Variants in RHEB observed in about 807,000 individuals in gnomAD.
RHEB encodes GTP-binding protein Rheb.
A neutral mutation model predicts 28.8 loss-of-function variants in RHEB; 2 were observed. The ratio of observed to expected loss-of-function variants is 0.07; its 90% CI spans 0.03 to 0.22. The LOEUF (loss-of-function observed/expected upper bound fraction) is 0.22. Among genes scored for constraint, RHEB ranks in the 10% least tolerant of loss-of-function variants. The pLI is 1.00. For synonymous variants in RHEB, 69 were observed against 77.3 expected, an observed-to-expected ratio of 0.89 and a Z score of 0.56; for missense variants, 76 against 219.9, an observed-to-expected ratio of 0.35 and a Z score of 4.14.
chr7:151,502,800 C>T, intron 1 of RHEB: 1 of 1,388,512 alleles, frequency 7.2e-7, no homozygotes, highest in Non-Finnish European at 1.0e-6. Flanking sequence ...TGCTGTGCAG[C>T]TATTTCTGGG....
chr7:151,478,620 C>A (rs1003803239), intron 3 of RHEB, among the ~76,000 whole-genome samples: 8 of 151,950 alleles, frequency 5.3e-5, no homozygotes, highest in African/African-American at 1.9e-4. Context: ...GAGGAAAGAG[C>A]CCCCAGCTGA....
intron 1 of RHEB, 49 bp from the exon 2 acceptor site, chr7:151,491,063 A>C (rs1251514212): frequency 7.2e-7 from 1 of 1,384,196 alleles, no homozygotes; most frequent in South Asian, 1.2e-5. Context: ...TGAAGGTAAA[A>C]ATTTTTAATT....
At position 151,499,622 on chromosome 7, in the gene RHEB, A is replaced by G. The variant is rs571247252; in HGVS notation, c.53-8608T>C. On this transcript the variant is annotated intron_variant, in intron 1 of 7. Coordinates refer to ENST00000262187, the MANE Select transcript of RHEB (RefSeq NM_005614.4). The stretch of plus-strand genomic sequence containing the variant: ...ATTCTGTACCACAATCCCATATTCA[A>G]TCAAGCCTTTCCCAAATTATGATCA... Among the ~76,000 whole-genome samples, 4 of 152,320 alleles carry G rather than the reference A, an allele frequency of 2.6e-5. No homozygotes were observed. In the South Asian group the frequency reaches 8.3e-4, roughly 32 times the overall value.
At chr7:151,499,956 T>C (rs1802743663) in intron 1 of RHEB, among the ~76,000 whole-genome samples, 2 of 152,072 alleles carry the variant, frequency 1.3e-5, no homozygotes, top group African/African-American at 4.8e-5. Flanking sequence ...CTACAGGGTG[T>C]CCCCACCACA....
In RHEB at chr7:151,479,023, T is replaced by A. The variant is rs1018262160; in HGVS notation, c.193-1608A>T. ...ACTGTGCCCGGCCTTTAAAGTCTAC[T>A]TTCTGAGAAAGAATAATAGCAATAT... On this transcript the variant is annotated intron_variant, in intron 3 of 7. Transcript: ENST00000262187. 1.3e-4 allele frequency among the ~76,000 whole-genome samples: 20 copies of A among 152,256 alleles called. 1 individual carries two copies. The South Asian group carries it at 4.1e-3, about 32-fold the overall frequency.
intron 3 of RHEB, among the ~76,000 whole-genome samples, chr7:151,478,140 A>G (rs1252815723): frequency 6.6e-6 from 1 of 152,232 alleles, no homozygotes; most frequent in Non-Finnish European, 1.5e-5. Flanking sequence ...TACGTATTAA[A>G]GCATACAGAA....
At chr7:151,471,269 G>T in intron 6 of RHEB, 125 bp downstream of exon 6, 1 of 673,726 alleles carries the variant, frequency 1.5e-6, no homozygotes. Flanking sequence ...TGCTGCACAC[G>T]ACCATAACAC....
At chr7:151,478,717 C>G (rs985438159) in intron 3 of RHEB, among the ~76,000 whole-genome samples, 2 of 152,076 alleles carry the variant, frequency 1.3e-5, no homozygotes, top group African/African-American at 2.4e-5. Flanking sequence ...CTCACTGCAA[C>G]CTCCACCTCT....
At chr7:151,519,236 G>A in intron 1 of RHEB, 1 of 202,676 alleles carries the variant, frequency 4.9e-6, no homozygotes, top group Non-Finnish European at 9.6e-6. Context: ...CCACCTGCCC[G>A]CCCGGCCCGC....
chr7:151,519,732 C>T lies in RHEB; in HGVS notation c.-221G>A, dbSNP rs1199997055. On this transcript the variant is annotated 5_prime_UTR_variant, in exon 1 of 8. Coordinates refer to ENST00000262187, the MANE Select transcript of RHEB (RefSeq NM_005614.4). ...CCCACAACACGCCCACGTGACCGGC[C>T]GGCGTCAGCACCGCCCCTCTTCGCG... 9 of 349,678 alleles carry T rather than the reference C, an allele frequency of 2.6e-5. No homozygotes were observed. The East Asian group carries it at 3.5e-4, about 13-fold the overall frequency. 21.7% of individuals were successfully genotyped at this position (349,678 alleles called of 1,614,324 possible).
Position 151,501,830 on chromosome 7 carries a change from A to T in RHEB, c.53-10816T>A, listed in dbSNP as rs1802777328. 22 of 470,764 alleles carry T rather than the reference A, an allele frequency of 4.7e-5. 1 individual carries two copies. Among genetic ancestry groups the T allele is most frequent in the South Asian group, 4.4e-4 (22 of 49,894 alleles). 29.2% of individuals were successfully genotyped at this position (470,764 alleles called of 1,614,324 possible). ...GGTCAGAAAGAGCCGGTGTCCTACC[A>T]GCCGCTGCTGCCCAGAACTGGGCCC... On this transcript the variant is annotated intron_variant, in intron 1 of 7. Transcript: ENST00000262187.
intron 1 of RHEB, among the ~76,000 whole-genome samples, chr7:151,496,944 T>A (rs1417613179): frequency 1.4e-5 from 2 of 143,420 alleles, no homozygotes; most frequent in Non-Finnish European, 3.0e-5. Context: ...CACACTCGGC[T>A]ATTTTTTTTT....
intron 1 of RHEB, chr7:151,502,225 T>A: frequency 2.2e-6 from 1 of 446,414 alleles, no homozygotes; most frequent in Non-Finnish European, 3.9e-6. Flanking sequence ...GACAGAGCTG[T>A]CTCAAAAAAA....
Position 151,467,144 on chromosome 7 carries a change from C to T in RHEB, c.530G>A (p.Gly177Asp), listed in dbSNP as rs767187355. The T allele has an allele frequency of 6.2e-7, 1 of 1,613,468 alleles. No individual in the cohort carries two copies. The highest frequency in any genetic ancestry group is 8.5e-7 in the Non-Finnish European group (1 of 1,179,454). ...AEKMDGAASQ[G>D]KSSCSVM The stretch of plus-strand genomic sequence containing the variant: ...TCACATCACCGAGCATGAAGACTTG[C>T]CTTGTGAAGCTGCCCCGTCCATTTT... The change falls in exon 8 of 8, where the codon GGC becomes GAC. Residue 177 changes from glycine (G) to aspartate (D), a missense_variant. Transcript: ENST00000262187.
intron 1 of RHEB, chr7:151,502,257 A>T: frequency 7.5e-6 from 4 of 536,560 alleles, no homozygotes; most frequent in Non-Finnish European, 1.4e-5. Context: ...AGGAGCTTGG[A>T]GGCAGCCTGC....
chr7:151,489,671 A>T (rs1360901764), intron 2 of RHEB, among the ~76,000 whole-genome samples: 1 of 152,248 alleles, frequency 6.6e-6, no homozygotes, highest in East Asian at 1.9e-4. Flanking sequence ...GCCATTGTAC[A>T]GCATGTAAAG....
chr7:151,471,774 G>A (rs1324092071), intron 4 of RHEB, 169 bp from the exon 5 acceptor site: 1 of 569,054 alleles, frequency 1.8e-6, no homozygotes, highest in Non-Finnish European at 3.1e-6. Context: ...ATTCACATGT[G>A]CATACATCTG....
At chr7:151,510,666 T>G (rs889874462) in intron 1 of RHEB, among the ~76,000 whole-genome samples, 1 of 152,194 alleles carries the variant, frequency 6.6e-6, no homozygotes. Flanking sequence ...AACACCTAAT[T>G]TGAATAACAC....
At chr7:151,509,689 C>CCAAAAAAA (rs1802949492) in intron 1 of RHEB, among the ~76,000 whole-genome samples, 1 of 152,168 alleles carries the variant, frequency 6.6e-6, no homozygotes, top group East Asian at 1.9e-4. Flanking sequence ...CCAAATTTGG[C>CCAAAAAAA]CTACAGCCTG....
Sources: allele counts gnomAD v4.1 joint callset (sites outside exome capture counted in the v4.1 genomes callset), GRCh38; gene constraint gnomAD v4.1.1; transcripts MANE v1.5; gene names NCBI Gene and HGNC (gene_info 2026-07-23, HGNC 2026-07-21).